Variants in COBLL1 observed in about 807,000 individuals in gnomAD.
COBLL1 encodes cordon-bleu protein-like 1.
COBLL1 carries 50 observed loss-of-function variants against 94.8 expected under a neutral mutation model. The ratio of observed to expected loss-of-function variants is 0.53; its 90% CI spans 0.42 to 0.67. The LOEUF is 0.67. Ranked by LOEUF, COBLL1 falls within the 30% of genes least tolerant of loss-of-function variation. The probability of loss-of-function intolerance (pLI) is 0.00; values close to 1 mark genes in which losing one functional copy is unlikely to be tolerated. For missense variants in COBLL1, 1,362 were observed against 1,348.7 expected, an observed-to-expected ratio of 1.01 and a Z score of -0.15; for synonymous variants, 448 against 473.8, an observed-to-expected ratio of 0.95 and a Z score of 0.71.
At chr2:164,727,212 A>C in intron 5 of COBLL1, 1 of 869,132 alleles carries the variant, frequency 1.2e-6, no homozygotes. Context: ...AGTATAAAAC[A>C]TCACTGAGTT....
intron 2 of COBLL1, among the ~76,000 whole-genome samples, chr2:164,663,181 T>C (rs771774531): frequency 3.3e-5 from 5 of 152,208 alleles, no homozygotes; most frequent in Admixed American, 1.3e-4. Flanking sequence ...AACCTGCACA[T>C]TTAAATTTCT....
At chr2:164,826,315 G>T (rs755097027) in intron 2 of COBLL1, among the ~76,000 whole-genome samples, 1 of 152,204 alleles carries the variant, frequency 6.6e-6, no homozygotes, top group Non-Finnish European at 1.5e-5. Flanking sequence ...TCTGGCACAA[G>T]AAGTTTCACA....
chr2:164,730,515 A>C (rs6740217), intron 3 of COBLL1, among the ~76,000 whole-genome samples: 2 of 151,778 alleles, frequency 1.3e-5, no homozygotes, highest in African/African-American at 4.8e-5. Context: ...ATAACAATAA[A>C]AACAACAACA....
chr2:164,806,011 A>C (rs1279207051), intron 2 of COBLL1, among the ~76,000 whole-genome samples: 1 of 152,190 alleles, frequency 6.6e-6, no homozygotes, highest in East Asian at 1.9e-4. Context: ...CTTACATTTT[A>C]GCCATTTTAA....
At chr2:164,711,741 A>C (rs1558944010) in intron 7 of COBLL1, among the ~76,000 whole-genome samples, 1 of 152,220 alleles carries the variant, frequency 6.6e-6, no homozygotes, top group Non-Finnish European at 1.5e-5. Context: ...ACTTTGTTCA[A>C]ATTATGACTA....
At chr2:164,797,724 G>A (rs1349819880) in intron 2 of COBLL1, among the ~76,000 whole-genome samples, 1 of 152,038 alleles carries the variant, frequency 6.6e-6, no homozygotes, top group Non-Finnish European at 1.5e-5. Flanking sequence ...TTTCTTCCAA[G>A]AAAAGCAAAA....
In COBLL1 at chr2:164,703,517, T is replaced by G. The variant is rs75190702; in HGVS notation, c.1225+927A>C. 2.0e-3 allele frequency: 809 copies of G among 403,230 alleles called. 7 individuals are homozygous for G. The highest frequency in any genetic ancestry group is 0.015 in the African/African-American group (716 of 46,692). 25.0% of individuals were successfully genotyped at this position (403,230 alleles called of 1,614,324 possible). Reference sequence around the variant, plus strand: ...AAAAATGGTGCCATTTATATTATTCTGAGTAAAAGCTGAGAAAAATCATTA... The same window carrying G: ...AAAAATGGTGCCATTTATATTATTCGGAGTAAAAGCTGAGAAAAATCATTA... On this transcript the variant is annotated intron_variant, in intron 9 of 13. Coordinates refer to ENST00000652658, the MANE Select transcript of COBLL1 (RefSeq NM_001365672.2).
intron 2 of COBLL1, chr2:164,837,398 T>C (rs1234091068): frequency 4.5e-6 from 2 of 441,208 alleles, no homozygotes; most frequent in Non-Finnish European, 4.6e-6. Context: ...AATTTACTAA[T>C]TGGATATCCA....
chr2:164,839,559 G>A (rs1683484944), intron 2 of COBLL1, among the ~76,000 whole-genome samples: 1 of 152,220 alleles, frequency 6.6e-6, no homozygotes, highest in Non-Finnish European at 1.5e-5. Flanking sequence ...AGTCCCCAGT[G>A]ACTTCTGAAC....
chr2:164,740,474 T>A (rs2105551280), intron 3 of COBLL1, among the ~76,000 whole-genome samples: 1 of 152,318 alleles, frequency 6.6e-6, no homozygotes, highest in African/African-American at 2.4e-5. Flanking sequence ...TACCTTGCTC[T>A]CTGCCTGGAG....
chr2:164,799,047 A>C (rs2105314364), intron 2 of COBLL1, among the ~76,000 whole-genome samples: 1 of 143,386 alleles, frequency 7.0e-6, no homozygotes, highest in Admixed American at 7.1e-5. Context: ...AAGAGGGGGT[A>C]AGCAAGTGGT....
At chr2:164,777,603 A>T (rs1427740423) in intron 2 of COBLL1, among the ~76,000 whole-genome samples, 1 of 152,214 alleles carries the variant, frequency 6.6e-6, no homozygotes, top group African/African-American at 2.4e-5. Context: ...AGGGAAAATG[A>T]GAACACAATC....
chr2:164,835,719 CAGGACAT>C (rs1273737401), intron 2 of COBLL1, among the ~76,000 whole-genome samples: 1 of 152,146 alleles, frequency 6.6e-6, no homozygotes, highest in East Asian at 1.9e-4. Flanking sequence ...TTTTGACTTT[CAGGACAT>C]AGTTTGCTGA....
At chr2:164,735,311 A>G (rs1191700892) in intron 3 of COBLL1, among the ~76,000 whole-genome samples, 1 of 152,242 alleles carries the variant, frequency 6.6e-6, no homozygotes, top group Non-Finnish European at 1.5e-5. Context: ...AGAAAAAAGT[A>G]ACATGGTGAA....
chr2:164,768,640 T>C (rs773908345), intron 2 of COBLL1, among the ~76,000 whole-genome samples: 2 of 152,166 alleles, frequency 1.3e-5, no homozygotes, highest in Non-Finnish European at 2.9e-5. Context: ...TGTCTATTAG[T>C]TAAATGCCTC....
chr2:164,765,950 T>C (rs998678103), intron 2 of COBLL1, among the ~76,000 whole-genome samples: 6 of 152,158 alleles, frequency 3.9e-5, no homozygotes, highest in African/African-American at 1.4e-4. Context: ...ATCTCTGCTC[T>C]AACCCTAACC....
At chr2:164,823,559 T>G (rs1010470470) in intron 2 of COBLL1, among the ~76,000 whole-genome samples, 1 of 152,160 alleles carries the variant, frequency 6.6e-6, no homozygotes, top group Non-Finnish European at 1.5e-5. Context: ...TACAGCCTGG[T>G]GAGCACCAAG....
At chr2:164,712,961 A>G (rs3820983) in intron 7 of COBLL1, among the ~76,000 whole-genome samples, 2,494 of 152,260 alleles carry the variant, frequency 0.016, 24 homozygotes, top group South Asian at 0.027. Flanking sequence ...ACACACGTGC[A>G]TGCAAATTTT....
chr2:164,801,431 T>C (rs999462136), intron 2 of COBLL1, among the ~76,000 whole-genome samples: 1 of 88,156 alleles, frequency 1.1e-5, no homozygotes, highest in Admixed American at 1.9e-4. Context: ...AGAGCGAGAC[T>C]CCGTCTCAAA....
Sources: allele counts gnomAD v4.1 joint callset (sites outside exome capture counted in the v4.1 genomes callset), GRCh38; gene constraint gnomAD v4.1.1; transcripts MANE v1.5; gene names NCBI Gene and HGNC (gene_info 2026-07-23, HGNC 2026-07-21).